Variants in FAM53B observed in about 807,000 individuals in gnomAD.
The protein encoded by FAM53B is protein FAM53B.
Under a neutral mutation model 32.7 loss-of-function variants are expected in FAM53B, and 12 were observed. That is an observed-to-expected ratio of 0.37 (90% CI 0.24 to 0.59). The LOEUF (loss-of-function observed/expected upper bound fraction) is 0.59, where lower values mean the gene tolerates loss of function less well. Ranked by LOEUF, FAM53B falls within the 20% of genes least tolerant of loss-of-function variation. FAM53B has a pLI of 0.72. For missense variants in FAM53B, 477 were observed against 577.7 expected, an observed-to-expected ratio of 0.83 and a Z score of 1.79; for synonymous variants, 234 against 228.7, an observed-to-expected ratio of 1.02 and a Z score of -0.21.
intron 4 of FAM53B, among the ~76,000 whole-genome samples, chr10:124,637,793 C>T (rs566115063): frequency 3.9e-5 from 6 of 152,302 alleles, no homozygotes; most frequent in Admixed American, 2.0e-4. Context: ...CAGGATCGCC[C>T]GCTTCCTAAA....
In FAM53B at chr10:124,733,863, G is replaced by C. The variant is rs1950160160; in HGVS notation, c.-175+10150C>G. ...TTCCCTTTACTGCCATCCTGACCTA[G>C]ATCAGCTCCGCTCCCCTCTGAAATC... On this transcript the variant is annotated intron_variant, in intron 1 of 4. Transcript: ENST00000337318. This position sits in a 1 kb window ranked among gnomAD's most constrained non-coding sequence, Gnocchi z 4.3. Among the ~76,000 whole-genome samples the C allele has an allele frequency of 6.7e-6, 1 of 149,706 alleles. No individual in the cohort carries two copies. Among genetic ancestry groups the C allele is most frequent in the South Asian group, 2.1e-4 (1 of 4,726 alleles).
intron 4 of FAM53B, among the ~76,000 whole-genome samples, chr10:124,655,997 C>A (rs1438069936): frequency 1.3e-5 from 2 of 152,248 alleles, no homozygotes; most frequent in East Asian, 3.8e-4. Flanking sequence ...GAACGGGATC[C>A]ATCCAGCAGC....
chr10:124,631,289 C>A (rs946849229), intron 4 of FAM53B, among the ~76,000 whole-genome samples: 5 of 152,214 alleles, frequency 3.3e-5, no homozygotes, highest in African/African-American at 1.2e-4. Flanking sequence ...AGGAAAATTA[C>A]CTATGGCCTC....
intron 2 of FAM53B, among the ~76,000 whole-genome samples, chr10:124,697,774 A>G (rs1363972510): frequency 6.6e-6 from 1 of 152,070 alleles, no homozygotes; most frequent in East Asian, 1.9e-4. Flanking sequence ...CAGTCCTCCT[A>G]CAGGTTGCCC....
chr10:124,683,485 T>C (rs953803089), intron 3 of FAM53B, among the ~76,000 whole-genome samples: 2 of 152,172 alleles, frequency 1.3e-5, no homozygotes, highest in African/African-American at 4.8e-5. Flanking sequence ...TGGTAGGTAT[T>C]TAAATGCACG....
intron 4 of FAM53B, among the ~76,000 whole-genome samples, chr10:124,647,464 T>TAGAC (rs1949524880): frequency 6.6e-6 from 1 of 152,200 alleles, no homozygotes; most frequent in Non-Finnish European, 1.5e-5. Context: ...AAGCTCCCTG[T>TAGAC]AGACAGGCAG....
At chr10:124,662,319 T>C (rs1949636701) in intron 4 of FAM53B, among the ~76,000 whole-genome samples, 2 of 152,204 alleles carry the variant, frequency 1.3e-5, no homozygotes, top group Non-Finnish European at 2.9e-5. Context: ...CAGTAAACAA[T>C]GCTGTCATCC....
intron 4 of FAM53B, among the ~76,000 whole-genome samples, chr10:124,650,125 T>C (rs1370633189): frequency 6.6e-6 from 1 of 152,346 alleles, no homozygotes; most frequent in Non-Finnish European, 1.5e-5. Context: ...ATCTCCCTAA[T>C]GGAGCTGGGA....
At chr10:124,722,641 CA>C (rs1261848876) in intron 1 of FAM53B, among the ~76,000 whole-genome samples, 1 of 152,110 alleles carries the variant, frequency 6.6e-6, no homozygotes, top group African/African-American at 2.4e-5. Context: ...TTGACTTTCA[CA>C]AGAAATAGGT....
At chr10:124,711,385 T>C (rs1411781964) in intron 1 of FAM53B, among the ~76,000 whole-genome samples, 1 of 152,098 alleles carries the variant, frequency 6.6e-6, no homozygotes, top group Non-Finnish European at 1.5e-5. Flanking sequence ...GAGACAGACA[T>C]GTTCTGTGTC....
intron 4 of FAM53B, among the ~76,000 whole-genome samples, chr10:124,681,230 T>G (rs2134068211): frequency 6.6e-6 from 1 of 152,158 alleles, no homozygotes; most frequent in East Asian, 1.9e-4. Flanking sequence ...TGAACCCCAG[T>G]GTGTGTGTAT....
Position 124,621,151 on chromosome 10 carries a change from C to T in FAM53B, c.*2091G>A, listed in dbSNP as rs1215081515. 3 of 152,238 alleles carry T rather than the reference C, an allele frequency of 2.0e-5. No individual in the cohort carries two copies. Among genetic ancestry groups the T allele is most frequent in the African/African-American group, 7.2e-5 (3 of 41,458 alleles). 9.4% of individuals were successfully genotyped at this position (152,238 alleles called of 1,614,324 possible). ...CAGCTGGCACCGTCCACCTCCCTCA[C>T]TGCCTCTGCCTTCCACAGGAAGGCC... On this transcript the variant is annotated 3_prime_UTR_variant, in exon 5 of 5. Transcript: ENST00000337318.
intron 4 of FAM53B, among the ~76,000 whole-genome samples, chr10:124,662,651 A>G (rs770854653): frequency 7.2e-5 from 11 of 152,210 alleles, no homozygotes; most frequent in Non-Finnish European, 1.2e-4. Flanking sequence ...CCCTGTCTCT[A>G]CAAAAAATTA....
At chr10:124,681,389 C>T (rs768792939) in intron 4 of FAM53B, among the ~76,000 whole-genome samples, 1 of 152,198 alleles carries the variant, frequency 6.6e-6, no homozygotes, top group Non-Finnish European at 1.5e-5. Context: ...TAGCACTGAG[C>T]TCACAGTGAA....
intron 4 of FAM53B, among the ~76,000 whole-genome samples, chr10:124,668,058 C>T (rs1335490510): frequency 6.6e-6 from 1 of 152,202 alleles, no homozygotes; most frequent in African/African-American, 2.4e-5. Context: ...CAGACACTGC[C>T]TTCCATTTCC....
At chr10:124,693,350 A>T (rs905907407) in intron 3 of FAM53B, among the ~76,000 whole-genome samples, 2 of 152,042 alleles carry the variant, frequency 1.3e-5, no homozygotes, top group Non-Finnish European at 2.9e-5. Flanking sequence ...CACGCTTGTA[A>T]TCCCAGCTAC....
intron 4 of FAM53B, among the ~76,000 whole-genome samples, chr10:124,635,640 G>A (rs10901793): frequency 0.28 from 42,130 of 151,956 alleles, 6,587 homozygotes; most frequent in South Asian, 0.39. Flanking sequence ...TTAACCTGGC[G>A]ACATCCTCCA....
At chr10:124,660,094 G>A (rs1229091451) in intron 4 of FAM53B, among the ~76,000 whole-genome samples, 6 of 152,182 alleles carry the variant, frequency 3.9e-5, no homozygotes, top group East Asian at 3.9e-4. Flanking sequence ...GGCATGAGCC[G>A]CTGTGCCTGG....
Position 124,623,193 on chromosome 10 carries a change from G to A in FAM53B, c.*49C>T, listed in dbSNP as rs1949322906. 2 of 1,524,512 alleles carry A rather than the reference G, an allele frequency of 1.3e-6. No individual in the cohort carries two copies. The highest frequency in any genetic ancestry group is 1.8e-6 in the Non-Finnish European group (2 of 1,135,456). 94.4% of individuals were successfully genotyped at this position (1,524,512 alleles called of 1,614,324 possible). On this transcript the variant is annotated 3_prime_UTR_variant, in exon 5 of 5. Transcript: ENST00000337318. ...AAGGGCCCACCTAGTGCCCAGAGTG[G>A]GGGCTGTCGATGCCAGCACACCCCA...
Sources: allele counts gnomAD v4.1 joint callset (sites outside exome capture counted in the v4.1 genomes callset), GRCh38; gene constraint gnomAD v4.1.1; non-coding constraint Gnocchi (gnomAD v3.1); transcripts MANE v1.5; gene names NCBI Gene and HGNC (gene_info 2026-07-23, HGNC 2026-07-21).